Variants in GMDS observed in about 807,000 individuals in gnomAD.
GMDS encodes the protein GDP-mannose 4,6 dehydratase.
In GMDS, 20 loss-of-function variants were observed where a neutral mutation model predicts 49.9. The observed-to-expected ratio is 0.40, with a 90% CI of 0.28 to 0.58. The LOEUF is 0.58. Among genes scored for constraint, GMDS ranks in the 20% least tolerant of loss-of-function variants. The pLI is 0.42. For missense variants in GMDS, 362 were observed against 481.4 expected (o/e 0.75, Z 2.32); for synonymous variants, 177 against 178.6 (o/e 0.99, Z 0.07).
chr6:2,097,347 A>G (rs529913336), intron 4 of GMDS, among the ~76,000 whole-genome samples: 1 of 152,242 alleles, frequency 6.6e-6, no homozygotes, highest in East Asian at 1.9e-4. Context: ...ATTATCACCT[A>G]TCTAGGGAAG....
intron 1 of GMDS, among the ~76,000 whole-genome samples, chr6:2,198,740 T>C (rs891367491): frequency 2.6e-5 from 4 of 152,218 alleles, no homozygotes; most frequent in Non-Finnish European, 5.9e-5. Flanking sequence ...ATCAGACTTC[T>C]CAACAAGTTC....
At chr6:1,743,638 A>G (rs1767372245) in intron 7 of GMDS, among the ~76,000 whole-genome samples, 1 of 152,054 alleles carries the variant, frequency 6.6e-6, no homozygotes, top group Non-Finnish European at 1.5e-5. Context: ...TGTCCAAGAT[A>G]CTGACTGGTG....
chr6:2,200,090 T>A (rs1487484603), intron 1 of GMDS, among the ~76,000 whole-genome samples: 2 of 152,198 alleles, frequency 1.3e-5, no homozygotes, highest in Non-Finnish European at 2.9e-5. Context: ...AAATATTTAT[T>A]GCACATCCAC....
intron 4 of GMDS, among the ~76,000 whole-genome samples, chr6:1,983,944 A>T (rs906732202): frequency 6.6e-6 from 1 of 152,226 alleles, no homozygotes; most frequent in South Asian, 2.1e-4. Context: ...AGCACTATTC[A>T]TATTAGTAAA....
intron 1 of GMDS, among the ~76,000 whole-genome samples, chr6:2,203,658 C>T (rs1490073502): frequency 6.0e-5 from 9 of 150,406 alleles, no homozygotes; most frequent in East Asian, 1.9e-4. Context: ...GTTAACACTA[C>T]GAAAAAAAAA....
intron 9 of GMDS, among the ~76,000 whole-genome samples, chr6:1,658,506 C>T (rs1312060635): frequency 6.6e-6 from 1 of 152,340 alleles, no homozygotes; most frequent in African/African-American, 2.4e-5. Context: ...GGAAGCTCTC[C>T]ATCATTATGG....
intron 4 of GMDS, among the ~76,000 whole-genome samples, chr6:2,042,043 A>G (rs989296380): frequency 3.3e-5 from 5 of 152,232 alleles, no homozygotes; most frequent in African/African-American, 1.2e-4. Flanking sequence ...GCCCTGATCA[A>G]TAAGTGAGAC....
chr6:1,714,275 C>A (rs951933869), intron 9 of GMDS, among the ~76,000 whole-genome samples: 2 of 152,144 alleles, frequency 1.3e-5, no homozygotes, highest in African/African-American at 4.8e-5. Context: ...GCCTTGGCCT[C>A]CTAAAGTGCT....
chr6:2,133,105 G>A (rs567375906), intron 1 of GMDS, among the ~76,000 whole-genome samples: 28 of 152,154 alleles, frequency 1.8e-4, no homozygotes, highest in Non-Finnish European at 3.2e-4. Flanking sequence ...CTAATCACTC[G>A]AGTGATTTAT....
intron 7 of GMDS, among the ~76,000 whole-genome samples, chr6:1,925,992 C>A (rs531333345): frequency 6.6e-6 from 1 of 152,190 alleles, no homozygotes; most frequent in Admixed American, 6.5e-5. Flanking sequence ...AGGCCACAGA[C>A]GGGTGGAACT....
intron 4 of GMDS, among the ~76,000 whole-genome samples, chr6:2,097,373 GGGTGGCTAAAAGGA>G (rs1432496018): frequency 6.6e-6 from 1 of 152,112 alleles, no homozygotes; most frequent in Non-Finnish European, 1.5e-5. Context: ...GGTGGTGCGG[GGGTGGCTAAAAGGA>G]GGATGAAGGC....
chr6:1,939,520 CACACACATATAT>C (rs1194135638), intron 6 of GMDS, among the ~76,000 whole-genome samples: 11 of 151,204 alleles, frequency 7.3e-5, no homozygotes, highest in African/African-American at 2.7e-4. Context: ...TATATATATA[CACACACATATAT>C]ATACACATAT....
At chr6:1,690,893 G>A (rs1239205234) in intron 9 of GMDS, among the ~76,000 whole-genome samples, 2 of 152,166 alleles carry the variant, frequency 1.3e-5, no homozygotes, top group Non-Finnish European at 2.9e-5. Context: ...AGATAGGGAC[G>A]CTTTTACACT....
At chr6:1,873,386 C>T (rs1395634160) in intron 7 of GMDS, among the ~76,000 whole-genome samples, 1 of 152,152 alleles carries the variant, frequency 6.6e-6, no homozygotes, top group Non-Finnish European at 1.5e-5. Flanking sequence ...CCTGCCCCAC[C>T]TTTGGAAGAA....
chr6:1,905,323 G>A (rs921915196), intron 7 of GMDS, among the ~76,000 whole-genome samples: 4 of 150,864 alleles, frequency 2.7e-5, no homozygotes, highest in African/African-American at 4.9e-5. Context: ...GGGTGCTGGC[G>A]TGTAGGTGGG....
intron 9 of GMDS, among the ~76,000 whole-genome samples, chr6:1,633,306 T>C (rs1211436011): frequency 1.3e-5 from 2 of 152,232 alleles, no homozygotes; most frequent in Admixed American, 6.5e-5. Context: ...TAACAGAGTG[T>C]AGAAGATTTT....
chr6:1,944,101 T>C lies in GMDS; in HGVS notation c.644-13871A>G, dbSNP rs542456947. On this transcript the variant is annotated intron_variant, in intron 6 of 10. Coordinates refer to ENST00000380815, the MANE Select transcript of GMDS (RefSeq NM_001500.4). ...TTCACAGAAGGATAATGTTCATACT[T>C]CTGTTTGAGGACACTCATACTGAAA... 1.1e-4 allele frequency among the ~76,000 whole-genome samples: 17 copies of C among 152,332 alleles called. No individual in the cohort carries two copies. In the East Asian group the frequency reaches 3.3e-3, roughly 29 times the overall value.
chr6:2,038,583 C>CA (rs60625263), intron 4 of GMDS, among the ~76,000 whole-genome samples: 60,335 of 150,298 alleles, frequency 0.4, 12,124 homozygotes, highest in Middle Eastern at 0.48. Context: ...TAAAACACTG[C>CA]AAAAAAAAAC....
chr6:1,777,554 C>T (rs1028229444), intron 7 of GMDS, among the ~76,000 whole-genome samples: 1 of 152,234 alleles, frequency 6.6e-6, no homozygotes, highest in Non-Finnish European at 1.5e-5. Context: ...GTTACACCAT[C>T]ACTCTGAAAA....
Sources: allele counts gnomAD v4.1 joint callset (sites outside exome capture counted in the v4.1 genomes callset), GRCh38; gene constraint gnomAD v4.1.1; transcripts MANE v1.5; gene names NCBI Gene and HGNC (gene_info 2026-07-23, HGNC 2026-07-21).